COL4A6: variants seen among roughly 807,000 people sequenced by gnomAD.
COL4A6 encodes collagen type IV alpha 6 chain.
Under a neutral mutation model 126.7 loss-of-function variants are expected in COL4A6, and 59 were observed. The ratio of observed to expected loss-of-function variants is 0.47; its 90% CI spans 0.38 to 0.58. The LOEUF (loss-of-function observed/expected upper bound fraction) is 0.58, where lower values mean the gene tolerates loss of function less well. Ranked by LOEUF, COL4A6 falls within the 20% of genes least tolerant of loss-of-function variation. The pLI is 0.00. For missense variants in COL4A6, 1,285 were observed against 1,337.3 expected (o/e 0.96, Z 0.61); for synonymous variants, 547 against 496.6 (o/e 1.10, Z -1.35).
At chrX:108,382,896 G>A (rs745863878) in intron 2 of COL4A6, among the ~76,000 whole-genome samples, 79 of 106,391 alleles carry the variant, frequency 7.4e-4, no homozygotes, top group African/African-American at 2.2e-3. Flanking sequence ...TGCGGTGAGC[G>A]GAGATCATGC....
At chrX:108,322,198 AACAC>A (rs981724011) in intron 2 of COL4A6, among the ~76,000 whole-genome samples, 15 of 110,787 alleles carry the variant, frequency 1.4e-4, no homozygotes, top group South Asian at 7.6e-4. Context: ...CACACACACA[AACAC>A]ACACACACAT....
chrX:108,163,170 T>G, intron 40 of COL4A6, 132 bp from the exon 41 acceptor site: 1 of 520,188 alleles, frequency 1.9e-6, no homozygotes, highest in Non-Finnish European at 3.1e-6. Flanking sequence ...TACCCGGGTA[T>G]CTCCAGGATG....
At position 108,174,591 on chromosome X, in the gene COL4A6, G is replaced by A; in HGVS notation, c.2987C>T (p.Pro996Leu). 1 of 1,183,056 alleles carries A rather than the reference G, an allele frequency of 8.5e-7. No individual in the cohort carries two copies. Among genetic ancestry groups the A allele is most frequent in the Non-Finnish European group, 1.1e-6 (1 of 884,474 alleles). ...GCCAGGAGCTCCAGGTAGGCCTGGT[G>A]GTCCAGGTCGACCAGCCTCTCCTTT... ...GDKGEAGRPG[P>L]PGLPGAPGLP... is the part of the protein sequence containing the mutation. Residue 996 changes from proline to leucine, a missense_variant, in exon 31 of 45, where the codon CCA (proline) becomes CTA (leucine). Pro to Leu is a moderately conservative substitution (Grantham distance 98). Transcript: ENST00000334504.
intron 2 of COL4A6, among the ~76,000 whole-genome samples, chrX:108,394,411 A>G (rs989537474): frequency 2.7e-5 from 3 of 111,089 alleles, no homozygotes; most frequent in Admixed American, 9.6e-5. Flanking sequence ...GTACCCCAGA[A>G]CTTAAAGTAT....
chrX:108,194,469 A>T, intron 16 of COL4A6, 65 bp downstream of exon 16: 1 of 1,028,192 alleles, frequency 9.7e-7, no homozygotes, highest in Non-Finnish European at 1.3e-6. Flanking sequence ...CATCTTATAT[A>T]CAGACATTTG....
At chrX:108,324,002 G>C (rs149117009) in intron 2 of COL4A6, among the ~76,000 whole-genome samples, 315 of 112,389 alleles carry the variant, frequency 2.8e-3, no homozygotes, top group African/African-American at 9.5e-3. Flanking sequence ...ATGGCCTTTA[G>C]TGGCTTGGCA....
chrX:108,252,795 A>G (rs995414014), intron 3 of COL4A6, among the ~76,000 whole-genome samples: 1 of 111,709 alleles, frequency 9.0e-6, no homozygotes, highest in African/African-American at 3.2e-5. Context: ...ACATAAAAAG[A>G]TCATTCACCA....
Position 108,169,989 on chromosome X carries a change from C to T in COL4A6, c.3521G>A (p.Gly1174Glu). 1 of 1,189,847 alleles carries T rather than the reference C, an allele frequency of 8.4e-7. No homozygotes were observed. Among genetic ancestry groups the T allele is most frequent in the Non-Finnish European group, 1.1e-6 (1 of 882,911 alleles). ...KGFPGFPGLH[G>E]LNGLPGTKGT... ...CTTGGTGCCCGGAAGCCCATTCAGTCCATGTAAACCAGGAAATCCAGGGAA... is the reference window on the plus strand; with the variant it reads ...CTTGGTGCCCGGAAGCCCATTCAGTTCATGTAAACCAGGAAATCCAGGGAA... Residue 1174 changes from glycine to glutamate, a missense_variant, in exon 36 of 45, where the codon GGA becomes GAA. By Grantham distance (98) the Gly-to-Glu change is moderately conservative. Coordinates refer to ENST00000334504, the MANE Select transcript of COL4A6 (RefSeq NM_033641.4).
At chrX:108,328,411 G>T (rs1438862991) in intron 2 of COL4A6, among the ~76,000 whole-genome samples, 1 of 109,996 alleles carries the variant, frequency 9.1e-6, no homozygotes, top group Non-Finnish European at 1.9e-5. Context: ...GAGAAGGAGG[G>T]AGGCAGAGAG....
At chrX:108,273,729 A>T (rs1436588891) in intron 3 of COL4A6, among the ~76,000 whole-genome samples, 1 of 111,957 alleles carries the variant, frequency 8.9e-6, no homozygotes, top group Non-Finnish European at 1.9e-5. Context: ...TTTCTAGGTG[A>T]TTCCAAGGCT....
At chrX:108,288,721 T>C (rs977653308) in intron 3 of COL4A6, among the ~76,000 whole-genome samples, 1 of 111,354 alleles carries the variant, frequency 9.0e-6, no homozygotes, top group African/African-American at 3.3e-5. Context: ...AAGTAATTTA[T>C]ACTTTCAGTG....
chrX:108,354,608 C>CCCCT (rs2039918378), intron 2 of COL4A6, among the ~76,000 whole-genome samples: 1 of 91,527 alleles, frequency 1.1e-5, no homozygotes, highest in Non-Finnish European at 2.2e-5. Flanking sequence ...TCCCCCCCCC[C>CCCCT]TTTTTTTTTA....
At chrX:108,279,191 G>A (rs2037718889) in intron 3 of COL4A6, among the ~76,000 whole-genome samples, 1 of 111,274 alleles carries the variant, frequency 9.0e-6, no homozygotes, top group African/African-American at 3.3e-5. Flanking sequence ...AAAAGACACA[G>A]ACTGGCAAGT....
At chrX:108,190,596 G>T in intron 19 of COL4A6, 100 bp from the exon 20 acceptor site, 1 of 498,410 alleles carries the variant, frequency 2.0e-6, no homozygotes, top group Non-Finnish European at 3.4e-6. Context: ...AAGTCCTTGA[G>T]GCTGAACAAC....
intron 2 of COL4A6, among the ~76,000 whole-genome samples, chrX:108,430,893 T>C (rs2064165232): frequency 8.9e-6 from 1 of 111,837 alleles, no homozygotes; most frequent in Non-Finnish European, 1.9e-5. Context: ...CTCCAGGCAC[T>C]GTTTTAAGTG....
intron 2 of COL4A6, among the ~76,000 whole-genome samples, chrX:108,317,358 A>C (rs1043251810): frequency 8.9e-6 from 1 of 111,938 alleles, no homozygotes; most frequent in Admixed American, 9.5e-5. Flanking sequence ...AGATGTGTAT[A>C]AGATATTCAA....
intron 2 of COL4A6, 36 bp downstream of exon 2, chrX:108,437,906 G>T (rs781329745): frequency 8.3e-7 from 1 of 1,202,839 alleles, no homozygotes; most frequent in Admixed American, 2.2e-5. Context: ...AGGGTCAAAG[G>T]AGGGGGACGG....
At chrX:108,381,795 C>T (rs2148135479) in intron 2 of COL4A6, among the ~76,000 whole-genome samples, 1 of 111,439 alleles carries the variant, frequency 9.0e-6, no homozygotes, top group East Asian at 2.8e-4. Context: ...ATGCCAATAG[C>T]ATTAGTATAC....
chrX:108,425,718 C>T (rs913225874), intron 2 of COL4A6, among the ~76,000 whole-genome samples: 2 of 104,164 alleles, frequency 1.9e-5, no homozygotes, highest in Admixed American at 2.0e-4. Flanking sequence ...TGGGCGACAG[C>T]ACAACACACA....
Sources: allele counts gnomAD v4.1 joint callset (sites outside exome capture counted in the v4.1 genomes callset), GRCh38; gene constraint gnomAD v4.1.1; transcripts MANE v1.5; gene names NCBI Gene and HGNC (gene_info 2026-07-23, HGNC 2026-07-21).